The following THADA variants were observed in gnomAD, a reference collection of about 807,000 sequenced individuals.
The protein encoded by THADA is THADA armadillo repeat containing.
In THADA, 213 loss-of-function variants were observed where a neutral mutation model predicts 219.8. That is an observed-to-expected ratio of 0.97 (90% CI 0.87 to 1.09). The LOEUF (loss-of-function observed/expected upper bound fraction) is 1.09. Ranked by LOEUF, THADA falls within the 50% of genes least tolerant of loss-of-function variation. The pLI is 0.00. For missense variants in THADA, 2,956 were observed against 2,311.3 expected, an observed-to-expected ratio of 1.28 and a Z score of -5.72; for synonymous variants, 1,018 against 828.9, an observed-to-expected ratio of 1.23 and a Z score of -3.92.
chr2:43,461,801 T>C (rs562286299), intron 26 of THADA, among the ~76,000 whole-genome samples: 7 of 152,376 alleles, frequency 4.6e-5, no homozygotes, highest in African/African-American at 1.7e-4. Context: ...CCTGCACTAC[T>C]GCTTTCAGCA....
chr2:43,527,768 A>C, intron 22 of THADA, 111 bp downstream of exon 22: 1 of 695,100 alleles, frequency 1.4e-6, no homozygotes, highest in African/African-American at 1.8e-5. Context: ...TTTTGTAGTC[A>C]ACCAGGTCTT....
intron 10 of THADA, among the ~76,000 whole-genome samples, chr2:43,575,262 AAT>A (rs1479132593): frequency 6.6e-6 from 1 of 152,194 alleles, no homozygotes; most frequent in Non-Finnish European, 1.5e-5. Flanking sequence ...CAGCCTAGGC[AAT>A]ATAGTGAAAC....
At chr2:43,510,536 T>A (rs1391827357) in intron 22 of THADA, among the ~76,000 whole-genome samples, 1 of 151,896 alleles carries the variant, frequency 6.6e-6, no homozygotes, top group East Asian at 1.9e-4. Flanking sequence ...CTATTAATAA[T>A]ATTGCCAGCT....
chr2:43,587,228 G>C (rs997938252), intron 4 of THADA, among the ~76,000 whole-genome samples: 2 of 151,980 alleles, frequency 1.3e-5, no homozygotes, highest in African/African-American at 4.8e-5. Flanking sequence ...ATTCTCAACA[G>C]AACAGGCAGA....
At chr2:43,463,832 G>C (rs971071801) in intron 26 of THADA, among the ~76,000 whole-genome samples, 5 of 152,160 alleles carry the variant, frequency 3.3e-5, no homozygotes, top group Admixed American at 2.0e-4. Flanking sequence ...AATCAGGGAA[G>C]GAAAGAGCAG....
chr2:43,551,855 T>C lies in THADA; in HGVS notation c.2881A>G (p.Thr961Ala). 1 of 1,613,814 alleles carries C rather than the reference T, an allele frequency of 6.2e-7. No individual in the cohort carries two copies. Among genetic ancestry groups the C allele is most frequent in the South Asian group, 1.1e-5 (1 of 91,076 alleles). Residue 961 changes from threonine to alanine, a missense_variant, in exon 19 of 38, where the codon ACT (threonine) becomes GCT (alanine). Thr to Ala is a moderately conservative substitution (Grantham distance 58). Coordinates refer to ENST00000405975, the MANE Select transcript of THADA (RefSeq NM_022065.5). Reference sequence around the variant, plus strand: ...CTCTGAATGACTGGAGACACCACAGTGGAAAGCCTGTAGGACATCAAAAGG... The same window carrying C: ...CTCTGAATGACTGGAGACACCACAGCGGAAAGCCTGTAGGACATCAAAAGG... ...KLLLMSYRLS[T>A]VVSPVIQSSS... is the part of the protein sequence containing the mutation.
chr2:43,572,723 G>A (rs1290488207), intron 12 of THADA, 91 bp downstream of exon 12: 2 of 1,210,790 alleles, frequency 1.7e-6, no homozygotes, highest in South Asian at 1.6e-5. Context: ...CCCTAAAACA[G>A]TTCAGGATAC....
chr2:43,415,743 G>A (rs1046520805), intron 28 of THADA, among the ~76,000 whole-genome samples: 3 of 152,068 alleles, frequency 2.0e-5, no homozygotes, highest in Non-Finnish European at 2.9e-5. Context: ...CCCTCGTGAC[G>A]CTTCACGGTG....
Position 43,541,331 on chromosome 2 carries a change from A to G in THADA, c.3107-15T>C, listed in dbSNP as rs966971332. 7.2e-5 allele frequency: 116 copies of G among 1,611,576 alleles called. No individual in the cohort carries two copies. The highest frequency in any genetic ancestry group is 3.4e-6 in the Non-Finnish European group (4 of 1,179,020). On this transcript the variant is annotated splice_polypyrimidine_tract_variant and intron_variant, in intron 20 of 37. Transcript: ENST00000405975. ...TACTTCTTTACCTTAAACAAAAAAA[A>G]ACACAACGATTGCAACCTTGATTAC...
chr2:43,539,401 G>A (rs549146431), intron 21 of THADA, among the ~76,000 whole-genome samples: 61 of 152,204 alleles, frequency 4.0e-4, no homozygotes, highest in Non-Finnish European at 8.1e-4. Context: ...TTAATTTAAA[G>A]GAAGTTCATG....
At chr2:43,473,167 C>G (rs182547363) in intron 26 of THADA, among the ~76,000 whole-genome samples, 16 of 152,286 alleles carry the variant, frequency 1.1e-4, no homozygotes, top group Admixed American at 2.6e-4. Flanking sequence ...AAATTTTTAA[C>G]TTTTTGATCT....
At chr2:43,316,166 A>C (rs1678056162) in intron 31 of THADA, among the ~76,000 whole-genome samples, 1 of 152,148 alleles carries the variant, frequency 6.6e-6, no homozygotes, top group Non-Finnish European at 1.5e-5. Flanking sequence ...CCCACTGTCA[A>C]AACTCTGTTC....
chr2:43,457,701 G>C (rs543320769), intron 26 of THADA, among the ~76,000 whole-genome samples: 1 of 152,186 alleles, frequency 6.6e-6, no homozygotes, highest in South Asian at 2.1e-4. Flanking sequence ...TTCAGTTATA[G>C]GGAACCGCCC....
chr2:43,242,655 A>G (rs963271465), intron 36 of THADA, among the ~76,000 whole-genome samples: 1 of 151,996 alleles, frequency 6.6e-6, no homozygotes, highest in African/African-American at 2.4e-5. Context: ...TGCTTGGTTA[A>G]TTTTTGTATT....
chr2:43,384,456 TTACTC>T (rs1441369014), intron 29 of THADA, among the ~76,000 whole-genome samples: 3 of 152,184 alleles, frequency 2.0e-5, no homozygotes, highest in African/African-American at 7.2e-5. Flanking sequence ...CATTTCTAAT[TTACTC>T]TAAGAGTTTC....
chr2:43,326,292 G>C (rs1238161355), intron 30 of THADA, among the ~76,000 whole-genome samples: 1 of 152,152 alleles, frequency 6.6e-6, no homozygotes. Context: ...GTCTGGGTGA[G>C]TCAGGAAGGG....
intron 11 of THADA, 22 bp from the exon 12 acceptor site, chr2:43,573,014 C>G (rs1416064097): frequency 6.2e-7 from 1 of 1,606,452 alleles, no homozygotes; most frequent in Admixed American, 1.7e-5. Context: ...ATAACAAAGA[C>G]CATTACTGTA....
chr2:43,253,504 C>G (rs1290477337), intron 36 of THADA, among the ~76,000 whole-genome samples: 4 of 152,146 alleles, frequency 2.6e-5, no homozygotes, highest in Admixed American at 6.5e-5. Context: ...CTTAACCTGA[C>G]CTTTCAACAG....
intron 23 of THADA, among the ~76,000 whole-genome samples, chr2:43,508,005 G>A (rs781209247): frequency 3.9e-5 from 6 of 152,114 alleles, no homozygotes; most frequent in Non-Finnish European, 8.8e-5. Flanking sequence ...CTCATATGCA[G>A]AGAGGTTCGG....
Sources: gnomAD v4.1 joint callset for allele counts (sites outside exome capture counted in the v4.1 genomes callset) on GRCh38, gnomAD v4.1.1 for gene constraint, MANE v1.5 for transcripts, NCBI Gene and HGNC (gene_info 2026-07-23, HGNC 2026-07-21) for gene names.